The following SSU72L1 variants were observed in gnomAD, a reference collection of about 807,000 sequenced individuals.
The protein encoded by SSU72L1 is SSU72 like 1.
chr11:4,338,670 C>G, the SSU72L1 span: 41 of 632,866 alleles, frequency 6.5e-5, 2 homozygotes, highest in Middle Eastern at 1.3e-3. Context: ...TCAGTAGAAG[C>G]AGACGGTGTG....
chr11:4,338,498 A>G, the SSU72L1 span, among the ~76,000 whole-genome samples: 28 of 151,254 alleles, frequency 1.9e-4, no homozygotes, highest in African/African-American at 5.7e-4. Context: ...CATTTCCCAT[A>G]AAATATTTTC....
the SSU72L1 span, chr11:4,339,327 C>G: frequency 2.3e-5 from 12 of 528,768 alleles, no homozygotes; most frequent in Non-Finnish European, 3.7e-5. Context: ...CCACCTATAT[C>G]CAGGTCTTCC....
the SSU72L1 span, chr11:4,338,953 ATCT>A: frequency 1.9e-6 from 1 of 520,300 alleles, no homozygotes; most frequent in East Asian, 2.8e-5. Flanking sequence ...CACTCCTGAA[ATCT>A]TTCTGGACCG....
chr11:4,339,315 G>A, the SSU72L1 span: 7 of 539,522 alleles, frequency 1.3e-5, no homozygotes, highest in East Asian at 2.0e-4. Context: ...CCGAGGAGAC[G>A]ACCACCTATA....
chr11:4,338,462 G>T, the SSU72L1 span, among the ~76,000 whole-genome samples: 424 of 152,180 alleles, frequency 2.8e-3, no homozygotes, highest in African/African-American at 9.6e-3. Flanking sequence ...GCATTTTTCA[G>T]TGCTTTTAAA....
chr11:4,339,279 A>T, the SSU72L1 span: 1 of 521,112 alleles, frequency 1.9e-6, no homozygotes, highest in Non-Finnish European at 3.4e-6. Flanking sequence ...AGACACAGGC[A>T]CCTCAGCTGC....
At chr11:4,338,477 T>G in the SSU72L1 span, among the ~76,000 whole-genome samples, 1 of 152,086 alleles carries the variant, frequency 6.6e-6, no homozygotes. Flanking sequence ...TTTAAAAATG[T>G]TAGTCCTTCT....
At chr11:4,338,549 C>T in the SSU72L1 span, 1 of 561,706 alleles carries the variant, frequency 1.8e-6, no homozygotes, top group East Asian at 2.9e-5. Flanking sequence ...ACAAAAGTAA[C>T]ACAAACAGTA....
chr11:4,338,497 T>A, the SSU72L1 span, among the ~76,000 whole-genome samples: 27 of 151,300 alleles, frequency 1.8e-4, no homozygotes, highest in African/African-American at 5.4e-4. Context: ...TCATTTCCCA[T>A]AAAATATTTT....
At chr11:4,338,436 C>T in the SSU72L1 span, among the ~76,000 whole-genome samples, 3 of 152,128 alleles carry the variant, frequency 2.0e-5, no homozygotes, top group East Asian at 1.9e-4. Context: ...ATGTAATGCA[C>T]CTAGCACAAT....
At chr11:4,338,253 A>C in the SSU72L1 span, among the ~76,000 whole-genome samples, 1 of 149,996 alleles carries the variant, frequency 6.7e-6, no homozygotes, top group South Asian at 2.1e-4. Flanking sequence ...AATTGAGAAA[A>C]GGAAGTTTAT....
the SSU72L1 span, among the ~76,000 whole-genome samples, chr11:4,338,315 CAAAT>C: frequency 6.7e-6 from 1 of 150,326 alleles, no homozygotes; most frequent in Non-Finnish European, 1.5e-5. Context: ...TACCCTTAAA[CAAAT>C]CATTTTTCCA....
the SSU72L1 span, chr11:4,338,544 A>G: frequency 1.8e-6 from 1 of 567,100 alleles, no homozygotes; most frequent in Non-Finnish European, 3.1e-6. Context: ...TGTGTACAAA[A>G]GTAACACAAA....
the SSU72L1 span, chr11:4,338,642 C>A: frequency 1.7e-6 from 1 of 572,652 alleles, no homozygotes; most frequent in Non-Finnish European, 3.2e-6. Context: ...AGGAAGGGGA[C>A]AAAGCCAGCC....
the SSU72L1 span, chr11:4,339,300 C>T: frequency 2.4e-5 from 13 of 535,212 alleles, no homozygotes; most frequent in Admixed American, 9.7e-5. Flanking sequence ...TGCAGGGACT[C>T]GGAGCCGAGG....
the SSU72L1 span, chr11:4,338,622 G>T: frequency 5.3e-6 from 3 of 565,694 alleles, no homozygotes; most frequent in Non-Finnish European, 6.4e-6. Flanking sequence ...CCATGCCTAA[G>T]TTCTTACTGA....
the SSU72L1 span, chr11:4,339,064 ATGT>A: frequency 5.0e-6 from 3 of 602,306 alleles, no homozygotes; most frequent in African/African-American, 6.8e-5. Context: ...ATCTCCTTAT[ATGT>A]TGTTGCAAAA....
chr11:4,338,473 A>C, the SSU72L1 span, among the ~76,000 whole-genome samples: 1 of 152,114 alleles, frequency 6.6e-6, no homozygotes, highest in Admixed American at 6.5e-5. Flanking sequence ...TGCTTTTAAA[A>C]ATGTTAGTCC....
At chr11:4,338,618 C>T in the SSU72L1 span, 11 of 564,048 alleles carry the variant, frequency 2.0e-5, no homozygotes, top group Admixed American at 2.9e-5. Flanking sequence ...AGTCCCATGC[C>T]TAAGTTCTTA....
Sources: allele counts gnomAD v4.1 joint callset (sites outside exome capture counted in the v4.1 genomes callset), GRCh38; gene constraint gnomAD v4.1.1; transcripts MANE v1.5; gene names NCBI Gene and HGNC (gene_info 2026-07-23, HGNC 2026-07-21).